DDAH1: variants seen among roughly 807,000 people sequenced by gnomAD.
DDAH1 encodes the protein N(G),N(G)-dimethylarginine dimethylaminohydrolase 1.
A neutral mutation model predicts 28.8 loss-of-function variants in DDAH1; 19 were observed. That is an observed-to-expected ratio of 0.66 (90% CI 0.46 to 0.97). The LOEUF is 0.97. Ranked by LOEUF, DDAH1 falls within the 50% of genes least tolerant of loss-of-function variation. The pLI is 0.00. For missense variants in DDAH1, 326 were observed against 375.9 expected, an observed-to-expected ratio of 0.87 and a Z score of 1.10; for synonymous variants, 153 against 154.4, an observed-to-expected ratio of 0.99 and a Z score of 0.07.
intron 1 of DDAH1, among the ~76,000 whole-genome samples, chr1:85,426,104 T>C (rs1240803431): frequency 2.6e-5 from 4 of 152,170 alleles, no homozygotes; most frequent in Admixed American, 6.5e-5. Context: ...CTTATAACAG[T>C]GTCACAAAAT....
chr1:85,449,330 G>A (rs532489826), intron 1 of DDAH1, among the ~76,000 whole-genome samples: 43 of 152,282 alleles, frequency 2.8e-4, no homozygotes, highest in African/African-American at 9.6e-4. Context: ...ATGAGGACTA[G>A]AGGTCAGCCT....
Position 85,464,947 on chromosome 1 carries a change from G to T in DDAH1, c.99C>A (p.Ala33=), listed in dbSNP as rs1655295427. 1 of 1,514,110 alleles carries T rather than the reference G, an allele frequency of 6.6e-7. No homozygotes were observed. The highest frequency in any genetic ancestry group is 1.4e-5 in the African/African-American group (1 of 69,830). The allele number at this position is 1,514,110 out of a possible 1,614,324, so 93.8% of individuals were successfully genotyped here. A position where few individuals can be genotyped will look rare whatever the true frequency, so the allele number is the denominator to read the frequency against. Reference sequence around the variant, plus strand: ...GGGCGACGTCCACCTCCTCGCCCTTGGCGCTTCTCAGCGCGTGCTGGCCGA... The same window carrying T: ...GGGCGACGTCCACCTCCTCGCCCTTTGCGCTTCTCAGCGCGTGCTGGCCGA... ...ESLGQHALRS[A]KGEEVDVARA... is the part of the protein sequence containing the mutation. Residue 33 remains alanine (A), a synonymous_variant, in exon 1 of 6, where the codon GCC becomes GCA. Transcript: ENST00000284031. The surrounding 1 kb of genome is among the most constrained non-coding windows in gnomAD (Gnocchi z 4.4).
intron 1 of DDAH1, among the ~76,000 whole-genome samples, chr1:85,574,906 T>A (rs1042082565): frequency 1.3e-5 from 2 of 151,836 alleles, no homozygotes; most frequent in African/African-American, 4.8e-5. Flanking sequence ...TATATATATA[T>A]GTAATTAATT....
At chr1:85,518,410 G>A (rs1398985596) in intron 1 of DDAH1, among the ~76,000 whole-genome samples, 1 of 152,204 alleles carries the variant, frequency 6.6e-6, no homozygotes, top group African/African-American at 2.4e-5. Context: ...GGTGTTGGCA[G>A]AATTCAGTTC....
intron 1 of DDAH1, among the ~76,000 whole-genome samples, chr1:85,500,007 T>C (rs1656736885): frequency 6.6e-6 from 1 of 152,166 alleles, no homozygotes; most frequent in South Asian, 2.1e-4. Context: ...ATACATTTGG[T>C]TTTTGCTTGG....
At chr1:85,402,428 T>C (rs1015610850) in intron 1 of DDAH1, among the ~76,000 whole-genome samples, 1 of 152,170 alleles carries the variant, frequency 6.6e-6, no homozygotes, top group Non-Finnish European at 1.5e-5. Flanking sequence ...CAAACTATTC[T>C]TATAGACAAA....
intron 1 of DDAH1, among the ~76,000 whole-genome samples, chr1:85,463,508 T>C (rs953026799): frequency 7.9e-5 from 12 of 152,362 alleles, no homozygotes; most frequent in African/African-American, 2.6e-4. Context: ...TGGAGAGGTG[T>C]GGCAAAGACA....
intron 1 of DDAH1, among the ~76,000 whole-genome samples, chr1:85,457,762 T>C (rs1654954809): frequency 6.6e-6 from 1 of 152,228 alleles, no homozygotes; most frequent in Admixed American, 6.5e-5. Context: ...TGATCTTGGC[T>C]CACTGCAACC....
At chr1:85,558,667 A>T (rs951043299) in intron 1 of DDAH1, among the ~76,000 whole-genome samples, 6 of 152,192 alleles carry the variant, frequency 3.9e-5, no homozygotes, top group Non-Finnish European at 7.3e-5. Context: ...TCATGTTTTT[A>T]AAATAAAAGT....
chr1:85,385,768 T>A (rs1380244654), intron 1 of DDAH1, among the ~76,000 whole-genome samples: 1 of 152,172 alleles, frequency 6.6e-6, no homozygotes, highest in Non-Finnish European at 1.5e-5. Flanking sequence ...AGCTGGGTAA[T>A]TTATAAAGAA....
At chr1:85,529,296 G>T (rs534341545) in intron 1 of DDAH1, among the ~76,000 whole-genome samples, 1 of 152,084 alleles carries the variant, frequency 6.6e-6, no homozygotes, top group Non-Finnish European at 1.5e-5. Flanking sequence ...AACACGTATG[G>T]TTTATAAGTA....
intron 1 of DDAH1, among the ~76,000 whole-genome samples, chr1:85,562,668 A>G (rs1659173491): frequency 6.6e-6 from 1 of 152,210 alleles, no homozygotes; most frequent in African/African-American, 2.4e-5. Flanking sequence ...CGCATACACA[A>G]ACCAAGGAAC....
chr1:85,376,037 G>A (rs1650648900), intron 1 of DDAH1, among the ~76,000 whole-genome samples: 1 of 152,126 alleles, frequency 6.6e-6, no homozygotes. Context: ...GAAAGCAAAG[G>A]TTTTTCCTCA....
intron 1 of DDAH1, among the ~76,000 whole-genome samples, chr1:85,463,333 C>T (rs570545595): frequency 6.3e-4 from 96 of 152,330 alleles, no homozygotes; most frequent in African/African-American, 2.2e-3. Context: ...AATTGGACTA[C>T]TCTCATCAAA....
intron 1 of DDAH1, among the ~76,000 whole-genome samples, chr1:85,405,840 C>T (rs949769562): frequency 1.3e-5 from 2 of 152,110 alleles, no homozygotes; most frequent in African/African-American, 4.8e-5. Context: ...TTCCAAGCTG[C>T]CCTCATGTAA....
intron 1 of DDAH1, among the ~76,000 whole-genome samples, chr1:85,368,366 A>G (rs12041140): frequency 0.017 from 2,616 of 152,280 alleles, 72 homozygotes; most frequent in East Asian, 0.13. Context: ...CAAAACTAGG[A>G]AAGACCCTTT....
chr1:85,488,849 G>A lies in DDAH1; in HGVS notation c.-7+7317C>T, dbSNP rs116334117. ...GATGACTGGTGAAAAAGTATTAAAA[G>A]TCAGGCAACATGTTCAGTGTATATT... On this transcript the variant is annotated intron_variant, in intron 2 of 6. Transcript: ENST00000426972. Among the ~76,000 whole-genome samples the A allele has an allele frequency of 4.2e-3, 633 of 152,284 alleles. 6 individuals are homozygous for A. The highest frequency in any genetic ancestry group is 0.015 in the African/African-American group (614 of 41,556).
At chr1:85,536,930 T>A (rs1465187381) in intron 1 of DDAH1, among the ~76,000 whole-genome samples, 2 of 142,080 alleles carry the variant, frequency 1.4e-5, no homozygotes, top group African/African-American at 5.2e-5. Context: ...AACAGATGAA[T>A]AGATAAAGAA....
chr1:85,528,513 T>C (rs1657949481), intron 1 of DDAH1, among the ~76,000 whole-genome samples: 1 of 151,064 alleles, frequency 6.6e-6, no homozygotes, highest in Non-Finnish European at 1.5e-5. Flanking sequence ...TTTACTTACA[T>C]TAGTTATGAT....
Sources: allele counts gnomAD v4.1 joint callset (sites outside exome capture counted in the v4.1 genomes callset), GRCh38; gene constraint gnomAD v4.1.1; non-coding constraint Gnocchi (gnomAD v3.1); transcripts MANE v1.5; gene names NCBI Gene and HGNC (gene_info 2026-07-23, HGNC 2026-07-21).